The following ZNF768 variants were observed in gnomAD, a reference collection of about 807,000 sequenced individuals.
ZNF768 encodes zinc finger protein 768.
In ZNF768, 12 loss-of-function variants were observed where a neutral mutation model predicts 39.7. That is an observed-to-expected ratio of 0.30 (90% confidence interval 0.19 to 0.49). The LOEUF is 0.49. Ranked by LOEUF, ZNF768 falls within the 20% of genes least tolerant of loss-of-function variation. The probability of loss-of-function intolerance (pLI) is 0.99; values close to 1 mark genes in which losing one functional copy is unlikely to be tolerated. For synonymous variants in ZNF768, 360 were observed against 288.4 expected (o/e 1.25, Z -2.52); for missense variants, 613 against 723.2 (o/e 0.85, Z 1.75).
upstream of ZNF768, chr16:30,526,954 C>T (rs1343659325): frequency 7.1e-6 from 7 of 985,450 alleles, no homozygotes; most frequent in Non-Finnish European, 8.4e-6. Context: ...CCGGACGCCC[C>T]GGAGCCCGCG....
At position 30,526,490 on chromosome 16, in the gene ZNF768, G is replaced by A. The variant is rs972198643; in HGVS notation, c.-77C>T. The A allele has an allele frequency of 3.1e-6, 4 of 1,277,078 alleles. No homozygotes were observed. The highest frequency in any genetic ancestry group is 5.1e-5 in the South Asian group (2 of 39,220). 79.1% of individuals were successfully genotyped at this position (1,277,078 alleles called of 1,614,324 possible). ...CCCGGCCTCGGTTGCCCCGAGCCGC[G>A]GGCCCCCGCCTCCCGCCCGCTCAGC... On this transcript the variant is annotated 5_prime_UTR_variant, in exon 1 of 2. Coordinates refer to ENST00000380412, the MANE Select transcript of ZNF768 (RefSeq NM_024671.4).
chr16:30,526,294 G>C, intron 1 of ZNF768, 32 bp downstream of exon 1: 10 of 1,608,142 alleles, frequency 6.2e-6, no homozygotes, highest in Non-Finnish European at 8.5e-6. Context: ...CTGCGCGCAA[G>C]TCCACTCCTC....
chr16:30,532,443 G>T, the ZNF768 span: 10 of 1,543,152 alleles, frequency 6.5e-6, no homozygotes, highest in Non-Finnish European at 7.9e-6. Flanking sequence ...AGAGGTTCGG[G>T]CCCCTGAGCC....
chr16:30,531,434 T>TCAATACAG (rs1198524543), upstream of ZNF768: 1 of 152,216 alleles, frequency 6.6e-6, no homozygotes, highest in Non-Finnish European at 1.5e-5. Context: ...TGGGCCCAAA[T>TCAATACAG]CAATACAGCA....
rs1306362892 is a variant in ZNF768, at chr16:30,526,478, G to T, written c.-65C>A. On this transcript the variant is annotated 5_prime_UTR_variant, in exon 1 of 2. Transcript: ENST00000380412. ...CCGATCCCGCGACCCGGCCTCGGTT[G>T]CCCCGAGCCGCGGGCCCCCGCCTCC... 9 of 1,308,344 alleles carry T rather than the reference G, an allele frequency of 6.9e-6. No homozygotes were observed. The highest frequency in any genetic ancestry group is 7.8e-6 in the Non-Finnish European group (8 of 1,028,924). The allele number at this position is 1,308,344 out of a possible 1,614,324, so 81.0% of individuals were successfully genotyped here.
chr16:30,525,291 G>T lies in ZNF768; in HGVS notation c.849C>A (p.His283Gln), dbSNP rs771991672. Residue 283 changes from histidine to glutamine, a missense_variant, in exon 2 of 2, where the codon CAC becomes CAA. This residue lies in a region of ZNF768 where 40 missense variants were observed against 52.0 expected (regional missense o/e 0.77). Coordinates refer to ENST00000380412, the MANE Select transcript of ZNF768 (RefSeq NM_024671.4). ...GSTLIQHQRI[H>Q]TGEKPYKCEV... ...CACATTTGTAGGGCTTCTCACCGGT[G>T]TGGATGCGCTGGTGCTGGATCAGGG... The T allele has an allele frequency of 6.2e-7, 1 of 1,614,120 alleles. No homozygotes were observed. The highest frequency in any genetic ancestry group is 1.3e-5 in the African/African-American group (1 of 74,942).
intron 1 of ZNF768, 26 bp from the exon 2 acceptor site, chr16:30,526,077 T>G: frequency 6.7e-7 from 1 of 1,494,880 alleles, no homozygotes; most frequent in South Asian, 1.4e-5. Context: ...ATCCAGATCG[T>G]GTGAGACCTG....
At chr16:30,526,245 C>T in intron 1 of ZNF768, 81 bp downstream of exon 1, 2 of 1,583,628 alleles carry the variant, frequency 1.3e-6, no homozygotes, top group Non-Finnish European at 1.7e-6. Context: ...GTCCCAGCCC[C>T]GGGCCCTCGC....
At position 30,526,006 on chromosome 16, in the gene ZNF768, C is replaced by A. The variant is rs2051319491; in HGVS notation, c.134G>T (p.Gly45Val). 5 of 1,498,338 alleles carry A rather than the reference C, an allele frequency of 3.3e-6. No homozygotes were observed. Among genetic ancestry groups the A allele is most frequent in the Admixed American group, 5.0e-5 (2 of 40,368 alleles). 92.8% of individuals were successfully genotyped at this position (1,498,338 alleles called of 1,614,324 possible). A position where few individuals can be genotyped will look rare whatever the true frequency, so the allele number is the denominator to read the frequency against. ...CTCTTCGACTTCATAGTCCCCACTG[C>A]CTTCTTGCTGAGAAATTTCCTCTTC... ...NEEEEISQQE[G>V]SGDYEVEEIP... The change falls in exon 2 of 2, where the codon GGC becomes GTC. Residue 45 changes from glycine to valine, a missense_variant. Around this residue, in one of 4 missense-constraint regions of ZNF768, gnomAD observed 347 missense variants for 326.1 expected, o/e 1.06. Coordinates refer to ENST00000380412, the MANE Select transcript of ZNF768 (RefSeq NM_024671.4).
In ZNF768 at chr16:30,524,639, G is replaced by T. The variant is rs766508471; in HGVS notation, c.1501C>A (p.Leu501Met). ...CCACTGTGGACCCGGTGATGCTGCA[G>T]AAGCGTGGAGGAGCGGCAGAAGCCC... is the stretch of plus-strand genomic sequence containing the variant. ...GKGFCRSSTL[L>M]QHHRVHSGER... The change falls in exon 2 of 2, where the codon CTG becomes ATG. Residue 501 changes from leucine (L) to methionine (M), a missense_variant. This residue lies in a region of ZNF768 where 204 missense variants were observed against 281.7 expected (regional missense o/e 0.72). Transcript: ENST00000380412. 3.7e-5 allele frequency: 59 copies of T among 1,612,606 alleles called. No homozygotes were observed. The East Asian group carries it at 1.3e-3, about 35-fold the overall frequency.
At chr16:30,527,367 A>G (rs540578211), upstream of ZNF768, 1 of 958,980 alleles carries the variant, frequency 1.0e-6, no homozygotes, top group East Asian at 1.2e-4. Context: ...GTTGCCAAGG[A>G]GACAGCCCCG....
chr16:30,532,172 A>G, the ZNF768 span: 1 of 402,326 alleles, frequency 2.5e-6, no homozygotes, highest in Non-Finnish European at 4.5e-6. Flanking sequence ...AGTAAAAAGA[A>G]AAAGACAACA....
upstream of ZNF768, among the ~76,000 whole-genome samples, chr16:30,528,816 C>A (rs1463550349): frequency 6.6e-6 from 1 of 152,198 alleles, no homozygotes; most frequent in South Asian, 2.1e-4. Context: ...AGCACTCACA[C>A]AGGTAGGAAA....
upstream of ZNF768, chr16:30,526,794 CCCCCCCACCCT>C: frequency 7.2e-6 from 2 of 279,656 alleles, no homozygotes; most frequent in Non-Finnish European, 1.1e-5. Context: ...CCGCCCAGCA[CCCCCCCACCCT>C]CCCCCGCACA....
chr16:30,525,182 G>C lies in ZNF768; in HGVS notation c.958C>G (p.Pro320Ala), dbSNP rs775019894. The change falls in exon 2 of 2, where the codon CCC becomes GCC. Residue 320 changes from proline to alanine, a missense_variant. Coordinates refer to ENST00000380412, the MANE Select transcript of ZNF768 (RefSeq NM_024671.4). ...TCGGCGAAGGCCTTGCCGCAACGGG[G>C]ACATTTGTAGGGCCGCTCGCCAGTG... ...THTGERPYKC[P>A]RCGKAFADSS... 1 of 1,605,148 alleles carries C rather than the reference G, an allele frequency of 6.2e-7. No individual in the cohort carries two copies.
Position 30,524,361 on chromosome 16 carries a change from C to A in ZNF768, c.*156G>T. 3 of 1,271,606 alleles carry A rather than the reference C, an allele frequency of 2.4e-6. No homozygotes were observed. In the South Asian group the frequency reaches 4.7e-5, roughly 20 times the overall value. The allele number at this position is 1,271,606 out of a possible 1,614,324, so 78.8% of individuals were successfully genotyped here. On this transcript the variant is annotated 3_prime_UTR_variant, in exon 2 of 2. Transcript: ENST00000380412. ...CTCCAACCCACTTCCCACAAGTCTC[C>A]AGGGCATGTCACTTCCTCCACCCTG... is the stretch of plus-strand genomic sequence containing the variant.
chr16:30,528,037 T>C (rs2051343882), upstream of ZNF768: 1 of 152,204 alleles, frequency 6.6e-6, no homozygotes, highest in Admixed American at 6.5e-5. Flanking sequence ...CTTTTTTTTC[T>C]ACGCTTCGTG....
chr16:30,527,095 AG>A (rs1156425414), upstream of ZNF768: 6 of 985,144 alleles, frequency 6.1e-6, no homozygotes, highest in Non-Finnish European at 7.2e-6. Context: ...GACCAAGGTC[AG>A]CGAGAAGGAG....
chr16:30,524,994 A>G lies in ZNF768; in HGVS notation c.1146T>C (p.Tyr382=), dbSNP rs751182967. ...PYSCTECGKC[Y]SQNSSLRSHQ... is the part of the protein sequence containing the mutation. ...GGCTGCGCAGGGACGAGTTCTGGCT[A>G]TAGCACTTGCCGCACTCGGTGCAGC... The change falls in exon 2 of 2, where the codon TAT becomes TAC. Residue 382 remains tyrosine (Y), a synonymous_variant. Coordinates refer to ENST00000380412, the MANE Select transcript of ZNF768 (RefSeq NM_024671.4). The G allele has an allele frequency of 2.5e-6, 4 of 1,608,398 alleles. No individual in the cohort carries two copies. In the South Asian group the frequency reaches 3.3e-5, roughly 13 times the overall value.
Sources: gnomAD v4.1 joint callset for allele counts (sites outside exome capture counted in the v4.1 genomes callset) on GRCh38, gnomAD v4.1.1 for gene constraint, gnomAD v4.1.1 regional missense constraint, MANE v1.5 for transcripts, NCBI Gene and HGNC (gene_info 2026-07-23, HGNC 2026-07-21) for gene names.